Variants in CLDN10 observed in about 807,000 individuals in gnomAD.
The protein encoded by CLDN10 is claudin-10.
In CLDN10, 15 loss-of-function variants were observed where a neutral mutation model predicts 22.9. That is an observed-to-expected ratio of 0.65 (90% CI 0.44 to 1.01). The LOEUF is 1.01. Ranked by LOEUF, CLDN10 falls within the 50% of genes least tolerant of loss-of-function variation. The pLI, the probability that CLDN10 is intolerant of heterozygous loss-of-function variation, is 0.00. For missense variants in CLDN10, 247 were observed against 287.8 expected (o/e 0.86, Z 1.03); for synonymous variants, 114 against 111.4 (o/e 1.02, Z -0.15).
At chr13:95,513,065 C>G (rs1421461720) in intron 1 of CLDN10, among the ~76,000 whole-genome samples, 1 of 151,950 alleles carries the variant, frequency 6.6e-6, no homozygotes, top group East Asian at 1.9e-4. Context: ...TTGTGGAGCA[C>G]AGAGTCTTAC....
At chr13:95,434,170 A>G (rs2042240583) in intron 1 of CLDN10, 3 of 792,912 alleles carry the variant, frequency 3.8e-6, no homozygotes, top group East Asian at 2.6e-5. Context: ...CAAAGTGCCA[A>G]GATTTGCCTA....
At position 95,552,972 on chromosome 13, in the gene CLDN10, C is replaced by CG; in HGVS notation, c.220+1dup. Reference sequence around the variant, plus strand: ...ACTTCCCCTCCATGCTGGCGCTGGACGGTCTGCATCCCCGCGGCCCCCGCC... The same window carrying CG: ...ACTTCCCCTCCATGCTGGCGCTGGACGGGTCTGCATCCCCGCGGCCCCCGCC... On this transcript the variant is annotated frameshift_variant and splice_region_variant, in exon 1 of 5. Transcript: ENST00000299339. LOFTEE classifies it high-confidence loss of function. 2 of 1,613,628 alleles carry CG rather than the reference C, an allele frequency of 1.2e-6. No individual in the cohort carries two copies. Among genetic ancestry groups the CG allele is most frequent in the Non-Finnish European group, 1.7e-6 (2 of 1,179,902 alleles).
chr13:95,441,960 G>A (rs1232258575), intron 1 of CLDN10, among the ~76,000 whole-genome samples: 1 of 152,160 alleles, frequency 6.6e-6, no homozygotes, highest in Non-Finnish European at 1.5e-5. Flanking sequence ...AGACCAGCCT[G>A]GGCAACATGG....
At chr13:95,490,375 G>T (rs2042860048) in intron 1 of CLDN10, among the ~76,000 whole-genome samples, 1 of 152,102 alleles carries the variant, frequency 6.6e-6, no homozygotes, top group Admixed American at 6.5e-5. Context: ...CCATTTGTTT[G>T]TGTCATCTAT....
chr13:95,449,378 A>G (rs1260488553), intron 1 of CLDN10, among the ~76,000 whole-genome samples: 1 of 151,714 alleles, frequency 6.6e-6, no homozygotes, highest in East Asian at 2.0e-4. Flanking sequence ...CAGCCTCCCG[A>G]GTAGCTGGAA....
At chr13:95,524,615 C>T (rs531965358) in intron 1 of CLDN10, among the ~76,000 whole-genome samples, 1 of 152,180 alleles carries the variant, frequency 6.6e-6, no homozygotes, top group South Asian at 2.1e-4. Context: ...CTGCTAAGAA[C>T]ATTCATATAC....
At chr13:95,574,377 ACT>A (rs2043898374) in intron 3 of CLDN10, among the ~76,000 whole-genome samples, 1 of 152,234 alleles carries the variant, frequency 6.6e-6, no homozygotes, top group African/African-American at 2.4e-5. Context: ...CCAAATGGAT[ACT>A]GTCTATTAAA....
At chr13:95,564,065 A>G (rs2043752567) in intron 3 of CLDN10, among the ~76,000 whole-genome samples, 1 of 152,240 alleles carries the variant, frequency 6.6e-6, no homozygotes, top group African/African-American at 2.4e-5. Context: ...AATACGTTGT[A>G]GAATCAAAGC....
intron 1 of CLDN10, among the ~76,000 whole-genome samples, chr13:95,540,206 A>G (rs2043444832): frequency 6.6e-6 from 1 of 152,132 alleles, no homozygotes. Flanking sequence ...AGGCTGAGGC[A>G]GAAGAATCGC....
At chr13:95,438,799 C>A (rs1013786491) in intron 1 of CLDN10, among the ~76,000 whole-genome samples, 8 of 151,812 alleles carry the variant, frequency 5.3e-5, no homozygotes, top group Non-Finnish European at 2.9e-5. Flanking sequence ...ACCAACTTGG[C>A]GAAATCCTGT....
intron 1 of CLDN10, among the ~76,000 whole-genome samples, chr13:95,553,481 G>T (rs145957367): frequency 0.016 from 2,373 of 152,284 alleles, 69 homozygotes; most frequent in African/African-American, 0.054. Context: ...GTAGGCGGGG[G>T]TGGGGGTTGA....
chr13:95,564,440 C>T (rs551752677), intron 3 of CLDN10, among the ~76,000 whole-genome samples: 43 of 152,262 alleles, frequency 2.8e-4, no homozygotes, highest in Admixed American at 1.3e-3. Context: ...CCTTAGGAAG[C>T]GCAGTGAGAG....
At chr13:95,543,458 A>G (rs1163249100) in intron 1 of CLDN10, among the ~76,000 whole-genome samples, 3 of 152,204 alleles carry the variant, frequency 2.0e-5, no homozygotes, top group Non-Finnish European at 4.4e-5. Context: ...AGAGTAAAAG[A>G]AACTGGTGAG....
chr13:95,471,418 T>TACACACAC (rs1219762768), intron 1 of CLDN10, among the ~76,000 whole-genome samples: 4,236 of 104,146 alleles, frequency 0.041, 74 homozygotes, highest in East Asian at 0.088. Flanking sequence ...CACACACATA[T>TACACACAC]ACACACACAC....
chr13:95,534,377 AT>A (rs1383584905), intron 1 of CLDN10, among the ~76,000 whole-genome samples: 2 of 152,200 alleles, frequency 1.3e-5, no homozygotes, highest in Non-Finnish European at 2.9e-5. Context: ...AAGAGGAAAA[AT>A]ATTTGTAGAA....
chr13:95,560,627 C>T, intron 3 of CLDN10, 164 bp downstream of exon 3: 6 of 614,026 alleles, frequency 9.8e-6, no homozygotes, highest in South Asian at 2.0e-5. Context: ...ATGCCACATA[C>T]GCAAAATATG....
At chr13:95,535,809 G>T (rs776992121) in intron 1 of CLDN10, among the ~76,000 whole-genome samples, 2 of 152,156 alleles carry the variant, frequency 1.3e-5, no homozygotes, top group Non-Finnish European at 2.9e-5. Flanking sequence ...ACATGGAGAC[G>T]AATCGTGGAA....
At chr13:95,534,133 T>C (rs866842520) in intron 1 of CLDN10, among the ~76,000 whole-genome samples, 5 of 152,248 alleles carry the variant, frequency 3.3e-5, no homozygotes, top group Middle Eastern at 6.8e-3. Flanking sequence ...GATTTTCAGC[T>C]CCATGAGAAA....
intron 1 of CLDN10, among the ~76,000 whole-genome samples, chr13:95,537,281 TG>T (rs1248433460): frequency 6.6e-6 from 1 of 152,200 alleles, no homozygotes; most frequent in Admixed American, 6.5e-5. Flanking sequence ...TAATCAGTTT[TG>T]GGGGGGTTGT....
Sources: gnomAD v4.1 joint callset for allele counts (sites outside exome capture counted in the v4.1 genomes callset) on GRCh38, gnomAD v4.1.1 for gene constraint, MANE v1.5 for transcripts, NCBI Gene and HGNC (gene_info 2026-07-23, HGNC 2026-07-21) for gene names.